The following ZDHHC14 variants were observed in gnomAD, a reference collection of about 807,000 sequenced individuals.
ZDHHC14 encodes the protein zDHHC palmitoyltransferase 14, also known as palmitoyltransferase ZDHHC14.
Under a neutral mutation model 47.7 loss-of-function variants are expected in ZDHHC14, and 16 were observed. That is an observed-to-expected ratio of 0.34 (90% CI 0.23 to 0.51). The LOEUF (loss-of-function observed/expected upper bound fraction) is 0.51. Ranked by LOEUF, ZDHHC14 falls within the 20% of genes least tolerant of loss-of-function variation. ZDHHC14 has a pLI of 0.97. For synonymous variants in ZDHHC14, 293 were observed against 278.9 expected, an observed-to-expected ratio of 1.05 and a Z score of -0.50; for missense variants, 515 against 662.5, an observed-to-expected ratio of 0.78 and a Z score of 2.44.
intron 4 of ZDHHC14, chr6:157,630,263 AG>A (rs1424042612): frequency 3.3e-5 from 5 of 152,178 alleles, no homozygotes; most frequent in African/African-American, 1.2e-4. Context: ...TACAGGCGTG[AG>A]CCACCCCACC....
chr6:157,632,777 C>G (rs889464663), intron 4 of ZDHHC14, 57 bp from the exon 5 acceptor site: 4 of 1,486,544 alleles, frequency 2.7e-6, no homozygotes, highest in Admixed American at 1.7e-5. Context: ...GATGAGAGAG[C>G]ATTCAGCATG....
At chr6:157,539,704 A>G (rs9457724) in intron 1 of ZDHHC14, among the ~76,000 whole-genome samples, 1 of 151,968 alleles carries the variant, frequency 6.6e-6, no homozygotes, top group Non-Finnish European at 1.5e-5. Flanking sequence ...CTTGTAACAG[A>G]ACTCTTCCTG....
At chr6:157,520,580 A>G (rs1439390885) in intron 1 of ZDHHC14, among the ~76,000 whole-genome samples, 10 of 152,234 alleles carry the variant, frequency 6.6e-5, no homozygotes, top group African/African-American at 1.9e-4. Context: ...AATACCATCT[A>G]ACTGGCTTTC....
intron 2 of ZDHHC14, among the ~76,000 whole-genome samples, chr6:157,550,000 G>C (rs957764049): frequency 3.3e-5 from 5 of 152,220 alleles, no homozygotes; most frequent in African/African-American, 1.2e-4. Flanking sequence ...CTGTCTTGTA[G>C]CTCCTGTCTC....
intron 1 of ZDHHC14, among the ~76,000 whole-genome samples, chr6:157,513,395 G>A (rs377317468): frequency 2.0e-5 from 3 of 152,170 alleles, no homozygotes; most frequent in South Asian, 4.1e-4. Context: ...GCCCAGGGTC[G>A]GAGCTGATAG....
At chr6:157,459,109 C>T (rs17231911) in intron 1 of ZDHHC14, among the ~76,000 whole-genome samples, 23,450 of 152,056 alleles carry the variant, frequency 0.15, 2,349 homozygotes, top group Middle Eastern at 0.22. Flanking sequence ...ATGCAATGGC[C>T]AGGAACCACC....
Position 157,547,079 on chromosome 6 carries a change from T to C in ZDHHC14, c.406+4334T>C, listed in dbSNP as rs574827799. 2.7e-4 allele frequency among the ~76,000 whole-genome samples: 41 copies of C among 152,356 alleles called. No individual in the cohort carries two copies. The Middle Eastern group carries it at 0.01, about 38-fold the overall frequency. ...GTGGGCTTTTAAAAATTCACTTGCG[T>C]TGTGGCAGAATCTGAAGACCGATTA... On this transcript the variant is annotated intron_variant, in intron 2 of 8. Transcript: ENST00000359775.
intron 1 of ZDHHC14, among the ~76,000 whole-genome samples, chr6:157,492,479 A>C (rs1779950334): frequency 6.6e-6 from 1 of 152,200 alleles, no homozygotes; most frequent in Non-Finnish European, 1.5e-5. Flanking sequence ...CCTGATCAGC[A>C]GCACAGCCAG....
intron 7 of ZDHHC14, among the ~76,000 whole-genome samples, chr6:157,649,169 A>C (rs1396511831): frequency 6.6e-6 from 1 of 152,212 alleles, no homozygotes; most frequent in Non-Finnish European, 1.5e-5. Flanking sequence ...TCGTTTGTTA[A>C]AAGGTAAACT....
chr6:157,566,600 C>T (rs766421855), intron 2 of ZDHHC14, among the ~76,000 whole-genome samples: 8 of 152,142 alleles, frequency 5.3e-5, no homozygotes, highest in African/African-American at 1.9e-4. Context: ...GACACTCTGG[C>T]GGGCTGGACA....
intron 1 of ZDHHC14, among the ~76,000 whole-genome samples, chr6:157,540,177 CT>C (rs1298711236): frequency 2.0e-5 from 3 of 152,198 alleles, no homozygotes; most frequent in African/African-American, 4.8e-5. Context: ...AAATACCAAT[CT>C]ACAGTGTATT....
intron 1 of ZDHHC14, among the ~76,000 whole-genome samples, chr6:157,537,642 AC>A (rs1781589958): frequency 6.6e-6 from 1 of 152,194 alleles, no homozygotes; most frequent in Non-Finnish European, 1.5e-5. Flanking sequence ...AATTCTTGAG[AC>A]AGAAATAGGA....
chr6:157,467,297 T>A (rs1259441601), intron 1 of ZDHHC14, among the ~76,000 whole-genome samples: 1 of 152,036 alleles, frequency 6.6e-6, no homozygotes, highest in Non-Finnish European at 1.5e-5. Context: ...AAGAAACCCA[T>A]ACCCACCAAC....
chr6:157,460,037 C>T (rs887907007), intron 1 of ZDHHC14, among the ~76,000 whole-genome samples: 3 of 140,754 alleles, frequency 2.1e-5, no homozygotes, highest in African/African-American at 8.1e-5. Context: ...CATAGTGAAA[C>T]CCTGTCTCTA....
rs1403918601 is a variant in ZDHHC14 at position 157,586,301 on chromosome 6, G to C, written c.407-6687G>C. Among the ~76,000 whole-genome samples, 1 of 152,180 alleles carries C rather than the reference G, an allele frequency of 6.6e-6. No individual in the cohort carries two copies. Among genetic ancestry groups the C allele is most frequent in the African/African-American group, 2.4e-5 (1 of 41,442 alleles). On this transcript the variant is annotated intron_variant, in intron 2 of 8. Transcript: ENST00000359775. This position sits in a 1 kb window ranked among gnomAD's most constrained non-coding sequence, Gnocchi z 4.6. ...AAACAAGTAACTCTGCTTGCAAAGT[G>C]TTTTCACAAGAGAAGCTGGAACTGG...
intron 1 of ZDHHC14, among the ~76,000 whole-genome samples, chr6:157,505,450 G>C (rs1780302247): frequency 6.6e-6 from 1 of 152,164 alleles, no homozygotes; most frequent in African/African-American, 2.4e-5. Flanking sequence ...TGTTCGAAGG[G>C]GATTAGAGAA....
chr6:157,658,600 T>G (rs1377049860), intron 8 of ZDHHC14, among the ~76,000 whole-genome samples: 1 of 152,224 alleles, frequency 6.6e-6, no homozygotes, highest in Non-Finnish European at 1.5e-5. Context: ...AGAACTTTCT[T>G]GAGAGTAGGA....
At chr6:157,580,382 G>A (rs1260240252) in intron 2 of ZDHHC14, among the ~76,000 whole-genome samples, 1 of 152,036 alleles carries the variant, frequency 6.6e-6, no homozygotes, top group Non-Finnish European at 1.5e-5. Context: ...TCTCTGCCTG[G>A]TTTTGTATCA....
intron 5 of ZDHHC14, among the ~76,000 whole-genome samples, chr6:157,641,737 A>C (rs1777261152): frequency 6.6e-6 from 1 of 152,184 alleles, no homozygotes; most frequent in African/African-American, 2.4e-5. Context: ...TTTGTGTCTT[A>C]TATCCTTACC....
Sources: gnomAD v4.1 joint callset for allele counts (sites outside exome capture counted in the v4.1 genomes callset) on GRCh38, gnomAD v4.1.1 for gene constraint, Gnocchi (gnomAD v3.1) non-coding constraint, MANE v1.5 for transcripts, NCBI Gene and HGNC (gene_info 2026-07-23, HGNC 2026-07-21) for gene names.